The following C20orf96 variants were observed in gnomAD, a reference collection of about 807,000 sequenced individuals.
C20orf96 encodes the protein uncharacterized protein C20orf96.
C20orf96 carries 57 observed loss-of-function variants against 52.6 expected under a neutral mutation model. The ratio of observed to expected loss-of-function variants is 1.08; its 90% CI spans 0.88 to 1.35. The LOEUF (loss-of-function observed/expected upper bound fraction) is 1.35, where lower values mean the gene tolerates loss of function less well. Ranked by LOEUF, C20orf96 falls within the 40% of genes most tolerant of loss-of-function variation. The probability of loss-of-function intolerance (pLI) is 0.00; values close to 1 mark genes in which losing one functional copy is unlikely to be tolerated. For synonymous variants in C20orf96, 168 were observed against 157.2 expected (o/e 1.07, Z -0.51); for missense variants, 478 against 443.6 (o/e 1.08, Z -0.70).
intron 4 of C20orf96, among the ~76,000 whole-genome samples, chr20:281,707 A>G (rs1297818123): frequency 6.6e-6 from 1 of 152,034 alleles, no homozygotes; most frequent in Non-Finnish European, 1.5e-5. Flanking sequence ...AGTCGGGCAC[A>G]GTGGTTCACA....
intron 9 of C20orf96, 106 bp from the exon 10 acceptor site, chr20:276,192 T>C: frequency 1.3e-6 from 2 of 1,583,126 alleles, no homozygotes; most frequent in East Asian, 2.3e-5. Context: ...GGAAATGGTA[T>C]GGGTTCTGTC....
chr20:284,172 G>T, intron 3 of C20orf96, 91 bp from the exon 4 acceptor site: 3 of 887,868 alleles, frequency 3.4e-6, no homozygotes, highest in Admixed American at 3.7e-5. Context: ...ATGAGAGGAG[G>T]GCCAGACCCC....
intron 2 of C20orf96, 104 bp from the exon 3 acceptor site, chr20:289,780 C>A: frequency 2.4e-6 from 2 of 845,974 alleles, no homozygotes; most frequent in South Asian, 1.4e-5. Context: ...CTCTCCTGAG[C>A]CTCAATCTTC....
At position 287,908 on chromosome 20, in the gene C20orf96, C is replaced by CAAA. The variant is rs71327437; in HGVS notation, c.187+1648_187+1650dup. ...TGAGCAACAAAGCGAGACTCCTTCT[C>CAAA]AAAAAAAAAAAAAAAAAAAAAAGTC... On this transcript the variant is annotated intron_variant, in intron 3 of 10. Coordinates refer to ENST00000360321, the MANE Select transcript of C20orf96 (RefSeq NM_153269.3). Among the ~76,000 whole-genome samples, 210 of 62,854 alleles carry CAAA rather than the reference C, an allele frequency of 3.3e-3. 4 individuals are homozygous for CAAA. The highest frequency in any genetic ancestry group is 7.4e-3 in the South Asian group (10 of 1,354). The allele number at this position is 62,854 out of a possible 152,430, so 41.2% of individuals were successfully genotyped here. A position where few individuals can be genotyped will look rare whatever the true frequency, so the allele number is the denominator to read the frequency against.
chr20:279,399 G>A lies in C20orf96; in HGVS notation c.307-69C>T. On this transcript the variant is annotated intron_variant, in intron 4 of 10. Coordinates refer to ENST00000360321, the MANE Select transcript of C20orf96 (RefSeq NM_153269.3). ...CCGGCCTGAGCCCCCGAAAGCCCGT[G>A]GACCCGCCGCCCCGGCCCCGCCAGA... The A allele has an allele frequency of 2.0e-6, 3 of 1,492,264 alleles. No individual in the cohort carries two copies. In the South Asian group the frequency reaches 3.7e-5, roughly 19 times the overall value. 92.4% of individuals were successfully genotyped at this position (1,492,264 alleles called of 1,614,324 possible).
chr20:282,041 T>C (rs899538981), intron 4 of C20orf96, among the ~76,000 whole-genome samples: 2 of 152,180 alleles, frequency 1.3e-5, no homozygotes, highest in Admixed American at 1.3e-4. Flanking sequence ...CTGTCATCCT[T>C]GAAGTCTTGC....
chr20:284,029 T>C lies in C20orf96; in HGVS notation c.240A>G (p.Pro80=). The C allele has an allele frequency of 6.2e-7, 1 of 1,614,168 alleles. No homozygotes were observed. Among genetic ancestry groups the C allele is most frequent in the Non-Finnish European group, 8.5e-7 (1 of 1,180,034 alleles). The stretch of plus-strand genomic sequence containing the variant: ...ACTTCCGCCTTCTATGTAGTTCTCT[T>C]GGATTCTTCGGCTGGCAGCTTGTCA... ...TVVTSCQPKN[P]RELHRRRKLD... is the part of the protein sequence containing the mutation. Residue 80 remains proline (P), a synonymous_variant, in exon 4 of 11, where the codon CCA becomes CCG. Transcript: ENST00000360321.
Position 277,362 on chromosome 20 carries a change from T to G in C20orf96, c.587A>C (p.Gln196Pro). ...KMSYLEQQAE[Q>P]LNAKIEKTQE... ...GGTCTTCTCAATCTTGGCATTCAGC[T>G]GCTCTGCCTGCTGCTCAAGATCTGG... is the stretch of plus-strand genomic sequence containing the variant. Residue 196 changes from glutamine to proline, a missense_variant, in exon 7 of 11, where the codon CAG becomes CCG. By Grantham distance (76) the Gln-to-Pro change is moderately conservative (BLOSUM62 -1). Transcript: ENST00000360321. 6.2e-7 allele frequency: 1 copy of G among 1,614,018 alleles called. No individual in the cohort carries two copies. Among genetic ancestry groups the G allele is most frequent in the Non-Finnish European group, 8.5e-7 (1 of 1,180,018 alleles).
intron 9 of C20orf96, 22 bp downstream of exon 9, chr20:276,771 A>G: frequency 1.2e-6 from 2 of 1,607,650 alleles, no homozygotes; most frequent in South Asian, 1.1e-5. Flanking sequence ...TACAGGGACC[A>G]CCACCTTCCT....
chr20:272,746 T>C (rs1480644332), intron 10 of C20orf96, among the ~76,000 whole-genome samples: 1 of 152,134 alleles, frequency 6.6e-6, no homozygotes, highest in Non-Finnish European at 1.5e-5. Flanking sequence ...CACCACCCCA[T>C]TATAAAAGTC....
At chr20:288,254 C>T (rs1489747226) in intron 3 of C20orf96, among the ~76,000 whole-genome samples, 1 of 139,576 alleles carries the variant, frequency 7.2e-6, no homozygotes, top group Non-Finnish European at 1.5e-5. Context: ...TCTTCCTCCA[C>T]TGAATTGTTT....
chr20:272,797 C>T (rs2011883948), intron 10 of C20orf96, among the ~76,000 whole-genome samples: 1 of 152,152 alleles, frequency 6.6e-6, no homozygotes, highest in South Asian at 2.1e-4. Flanking sequence ...CTTTCCTGTA[C>T]TTCCCAAGTC....
intron 3 of C20orf96, among the ~76,000 whole-genome samples, chr20:285,982 C>G (rs1050672478): frequency 2.6e-5 from 4 of 152,076 alleles, no homozygotes. Flanking sequence ...AAAATGAATA[C>G]GTTAAAATTT....
At chr20:277,456 C>A in intron 6 of C20orf96, 73 bp from the exon 7 acceptor site, 1 of 1,537,368 alleles carries the variant, frequency 6.5e-7, no homozygotes, top group Non-Finnish European at 8.8e-7. Context: ...CCCCAGGAGG[C>A]CCAGGAGGCA....
intron 10 of C20orf96, among the ~76,000 whole-genome samples, chr20:273,866 G>T (rs1030970671): frequency 5.2e-4 from 57 of 110,428 alleles, no homozygotes; most frequent in African/African-American, 1.7e-3. Flanking sequence ...GACAGAGCTA[G>T]ACTCTGTCTC....
In C20orf96 at chr20:275,969, T is replaced by C. The variant is rs2012005938; in HGVS notation, c.1030A>G (p.Lys344Glu). The change falls in exon 10 of 11, where the codon AAG becomes GAG. Residue 344 changes from lysine (K) to glutamate (E), a missense_variant and splice_region_variant. Physicochemically the swap from Lys to Glu is moderately conservative, Grantham distance 56 (BLOSUM62 1). Coordinates refer to ENST00000360321, the MANE Select transcript of C20orf96 (RefSeq NM_153269.3). ...GGCAGTGGCAAAAAGATCACATACTTGGGTCTCCGAAGCAGAACATCCTCA... is the reference window on the plus strand; with the variant it reads ...GGCAGTGGCAAAAAGATCACATACTCGGGTCTCCGAAGCAGAACATCCTCA... ...IFEDVLLRRP[K>E]CTPDMDVILN... 1 of 1,613,634 alleles carries C rather than the reference T, an allele frequency of 6.2e-7. No individual in the cohort carries two copies. Among genetic ancestry groups the C allele is most frequent in the South Asian group, 1.1e-5 (1 of 91,062 alleles).
intron 6 of C20orf96, 128 bp downstream of exon 6, chr20:278,202 C>T (rs1369482182): frequency 8.0e-6 from 6 of 751,670 alleles, no homozygotes; most frequent in Non-Finnish European, 1.5e-5. Context: ...TCTTAGCATT[C>T]CCATCTGCCA....
chr20:276,960 G>A, intron 8 of C20orf96, 81 bp from the exon 9 acceptor site: 2 of 1,597,976 alleles, frequency 1.3e-6, no homozygotes, highest in Non-Finnish European at 1.7e-6. Flanking sequence ...GGGCTGCAGT[G>A]GGCCTGGAGG....
At position 276,802 on chromosome 20, in the gene C20orf96, C is replaced by A. The variant is rs1002362911; in HGVS notation, c.903G>T (p.Arg301Ser). 11 of 1,613,056 alleles carry A rather than the reference C, an allele frequency of 6.8e-6. No homozygotes were observed. The highest frequency in any genetic ancestry group is 1.6e-4 in the Middle Eastern group (1 of 6,084). The change falls in exon 9 of 11, where the codon AGG becomes AGT. Residue 301 changes from arginine to serine, a missense_variant. Physicochemically the swap from Arg to Ser is moderately radical, Grantham distance 110. Transcript: ENST00000360321. ...ESQDFLKCMQ[R>S]FREIIDQFEE... ...TTCCTTGCCCACGCACTTCTCTGAA[C>A]CTTTGCATGCATTTCAGGAAGTCCT...
Sources: allele counts gnomAD v4.1 joint callset (sites outside exome capture counted in the v4.1 genomes callset), GRCh38; gene constraint gnomAD v4.1.1; transcripts MANE v1.5; gene names NCBI Gene and HGNC (gene_info 2026-07-23, HGNC 2026-07-21).